The following MAPK10 variants were observed in gnomAD, a reference collection of about 807,000 sequenced individuals.
MAPK10 encodes the protein mitogen-activated protein kinase 10.
In MAPK10, 25 loss-of-function variants were observed where a neutral mutation model predicts 59.3. The observed-to-expected ratio is 0.42, with a 90% CI of 0.31 to 0.59. The LOEUF (loss-of-function observed/expected upper bound fraction) is 0.59, where lower values mean the gene tolerates loss of function less well. Among genes scored for constraint, MAPK10 ranks in the 20% least tolerant of loss-of-function variants. MAPK10 has a pLI of 0.15. For missense variants in MAPK10, 351 were observed against 568.9 expected (o/e 0.62, Z 3.90); for synonymous variants, 190 against 200.5 (o/e 0.95, Z 0.44).
chr4:86,118,573 TACACATACACACACACACACACAC>T, intron 4 of MAPK10, among the ~76,000 whole-genome samples: 1 of 86,840 alleles, frequency 1.2e-5, no homozygotes, highest in African/African-American at 4.1e-5. Context: ...TTTATATAAA[TACACATACACACACACACACACAC>T]ACACACACAC....
At chr4:86,398,889 T>C (rs534383839) in intron 1 of MAPK10, among the ~76,000 whole-genome samples, 1 of 152,310 alleles carries the variant, frequency 6.6e-6, no homozygotes, top group African/African-American at 2.4e-5. Flanking sequence ...TTAATTCACT[T>C]AGGATAATGG....
intron 2 of MAPK10, 61 bp from the exon 3 acceptor site, chr4:86,194,468 T>C: frequency 1.0e-6 from 1 of 980,176 alleles, no homozygotes. Flanking sequence ...TATATAACAA[T>C]ATAGATTTTG....
chr4:86,236,722 G>C (rs2092266612), intron 2 of MAPK10, among the ~76,000 whole-genome samples: 1 of 152,136 alleles, frequency 6.6e-6, no homozygotes, highest in African/African-American at 2.4e-5. Context: ...CGCAGGTCCT[G>C]GTTGAAGAGG....
chr4:86,515,247 T>A (rs1756567615), intron 1 of MAPK10, among the ~76,000 whole-genome samples: 1 of 152,226 alleles, frequency 6.6e-6, no homozygotes, highest in Non-Finnish European at 1.5e-5. Context: ...TGATAGGCAT[T>A]TAGGCTGCTT....
intron 9 of MAPK10, among the ~76,000 whole-genome samples, chr4:86,075,143 T>G (rs1404821846): frequency 1.3e-5 from 2 of 152,064 alleles, no homozygotes; most frequent in Non-Finnish European, 2.9e-5. Flanking sequence ...TTTCATTCAT[T>G]TCATCTTCCA....
intron 1 of MAPK10, among the ~76,000 whole-genome samples, chr4:86,378,008 A>C (rs1470680519): frequency 1.3e-5 from 2 of 152,036 alleles, no homozygotes; most frequent in African/African-American, 4.8e-5. Context: ...ACTGACTCAA[A>C]TGTTAATCTC....
At chr4:86,172,756 AT>A (rs1323198897) in intron 3 of MAPK10, among the ~76,000 whole-genome samples, 3 of 150,392 alleles carry the variant, frequency 2.0e-5, no homozygotes, top group Non-Finnish European at 2.9e-5. Context: ...CATGAAAAAA[AT>A]AAAAATAAAA....
chr4:86,593,575 C>A (rs1046699471), intron 1 of MAPK10, among the ~76,000 whole-genome samples: 2 of 152,172 alleles, frequency 1.3e-5, no homozygotes, highest in Non-Finnish European at 2.9e-5. Context: ...CTTAAATTTT[C>A]AAACTTCGGG....
chr4:86,178,713 C>T (rs2076232456), intron 3 of MAPK10, among the ~76,000 whole-genome samples: 1 of 152,092 alleles, frequency 6.6e-6, no homozygotes, highest in Non-Finnish European at 1.5e-5. Flanking sequence ...AAGTAAAGGG[C>T]ATCCAAAGTA....
chr4:86,169,405 T>G (rs748519768), intron 3 of MAPK10, among the ~76,000 whole-genome samples: 1 of 152,074 alleles, frequency 6.6e-6, no homozygotes, highest in South Asian at 2.1e-4. Context: ...GCTCCAGAAC[T>G]ACGTGAAGAA....
At chr4:86,269,884 A>C (rs2094377761) in intron 2 of MAPK10, among the ~76,000 whole-genome samples, 1 of 152,138 alleles carries the variant, frequency 6.6e-6, no homozygotes, top group Non-Finnish European at 1.5e-5. Flanking sequence ...ATACTTAGTA[A>C]AAAAGTTTTG....
chr4:86,297,085 G>C (rs11931871), intron 2 of MAPK10, among the ~76,000 whole-genome samples: 3 of 152,134 alleles, frequency 2.0e-5, no homozygotes, highest in African/African-American at 7.2e-5. Context: ...CAAATTCCTC[G>C]GTGAGGCTAG....
chr4:86,365,431 C>CAAAAAAAAAAAAAAAAAAAAAA lies in MAPK10; in HGVS notation c.-121-10809_-121-10788dup, dbSNP rs70948789. Among the ~76,000 whole-genome samples the CAAAAAAAAAAAAAAAAAAAAAA allele has an allele frequency of 6.8e-4, 22 of 32,448 alleles. 5 individuals are homozygous for CAAAAAAAAAAAAAAAAAAAAAA. Among genetic ancestry groups the CAAAAAAAAAAAAAAAAAAAAAA allele is most frequent in the Admixed American group, 1.2e-3 (2 of 1,718 alleles). The allele number at this position is 32,448 out of a possible 152,430, so 21.3% of individuals were successfully genotyped here. ...TGGGCAACAGGGTGAGACTCTGTCT[C>CAAAAAAAAAAAAAAAAAAAAAA]AAAAAAAAAAAAAAAAAAAAAAAAA... On this transcript the variant is annotated intron_variant, in intron 1 of 13. Coordinates refer to the MAPK10 transcript ENST00000361569.
intron 2 of MAPK10, among the ~76,000 whole-genome samples, chr4:86,238,319 G>T (rs942005666): frequency 2.6e-5 from 4 of 152,110 alleles, no homozygotes; most frequent in African/African-American, 9.7e-5. Flanking sequence ...GGATTGTCTT[G>T]GCTATACGGG....
chr4:86,515,860 T>A (rs1042325050), intron 1 of MAPK10, among the ~76,000 whole-genome samples: 3 of 150,998 alleles, frequency 2.0e-5, no homozygotes, highest in African/African-American at 7.3e-5. Context: ...CATCTATTTA[T>A]CTTTGGGTTT....
chr4:86,124,709 A>T (rs925819118), intron 4 of MAPK10: 1 of 152,044 alleles, frequency 6.6e-6, no homozygotes, highest in Non-Finnish European at 1.5e-5. Flanking sequence ...CCATAATCAT[A>T]CTTTAGAATA....
At chr4:86,405,407 A>G (rs1291554772) in intron 1 of MAPK10, among the ~76,000 whole-genome samples, 2 of 152,212 alleles carry the variant, frequency 1.3e-5, no homozygotes, top group African/African-American at 2.4e-5. Context: ...TTGAACATTA[A>G]TATCTCCAGT....
chr4:86,059,874 C>T lies in MAPK10; in HGVS notation c.1110+4392G>A, dbSNP rs183828881. On this transcript the variant is annotated intron_variant, in intron 11 of 13. Coordinates refer to ENST00000641462, the MANE Select transcript of MAPK10 (RefSeq NM_138982.4). The stretch of plus-strand genomic sequence containing the variant: ...CTGGAACTTTCATTTGGCTGCCACA[C>T]AGAAGGCCCTATGTTTCCTGCCAGC... Among the ~76,000 whole-genome samples the T allele has an allele frequency of 2.8e-4, 43 of 152,260 alleles. 2 individuals are homozygous for T. Among genetic ancestry groups the T allele is most frequent in the Admixed American group, 2.0e-3 (31 of 15,284 alleles).
chr4:86,380,371 G>A (rs1740510479), intron 1 of MAPK10, among the ~76,000 whole-genome samples: 1 of 152,146 alleles, frequency 6.6e-6, no homozygotes, highest in Admixed American at 6.5e-5. Context: ...CACTCCTCTG[G>A]AGATACAGTT....
Sources: gnomAD v4.1 joint callset for allele counts (sites outside exome capture counted in the v4.1 genomes callset) on GRCh38, gnomAD v4.1.1 for gene constraint, MANE v1.5 for transcripts, NCBI Gene and HGNC (gene_info 2026-07-23, HGNC 2026-07-21) for gene names.